The following PLEKHD1 variants were observed in gnomAD, a reference collection of about 807,000 sequenced individuals.
PLEKHD1 encodes the protein pleckstrin homology and coiled-coil domain containing D1, also known as pleckstrin homology domain-containing family D member 1.
PLEKHD1 carries 51 observed loss-of-function variants against 69.2 expected under a neutral mutation model. The ratio of observed to expected loss-of-function variants is 0.74; its 90% confidence interval spans 0.59 to 0.93. The LOEUF (loss-of-function observed/expected upper bound fraction) is 0.93, where lower values mean the gene tolerates loss of function less well. PLEKHD1 is among the 40% of genes least tolerant of loss of function. The pLI, the probability that PLEKHD1 is intolerant of heterozygous loss-of-function variation, is 0.00. For missense variants in PLEKHD1, 584 were observed against 641.0 expected (o/e 0.91, Z 0.96); for synonymous variants, 236 against 244.7 (o/e 0.96, Z 0.33).
chr14:69,484,877 C>T lies in PLEKHD1; in HGVS notation c.-89C>T, dbSNP rs1255069304. 5 of 1,450,562 alleles carry T rather than the reference C, an allele frequency of 3.4e-6. No homozygotes were observed. Among genetic ancestry groups the T allele is most frequent in the Non-Finnish European group, 2.8e-6 (3 of 1,080,006 alleles). 89.9% of individuals were successfully genotyped at this position (1,450,562 alleles called of 1,614,324 possible). ...GCTTCTCTGCTCGCTGGGACGCTCT[C>T]CGACGGCTCCGCCCTCGCCTCTCGC... On this transcript the variant is annotated 5_prime_UTR_variant, in exon 1 of 13. Transcript: ENST00000322564.
the PLEKHD1 span, among the ~76,000 whole-genome samples, chr14:69,470,017 C>G: frequency 1.3e-5 from 2 of 151,968 alleles, no homozygotes; most frequent in Admixed American, 6.6e-5. Context: ...CCACCGTGCC[C>G]TGCCAAGTTG....
Position 69,484,875 on chromosome 14 carries a change from C to G in PLEKHD1, c.-91C>G, listed in dbSNP as rs1882618325. 6.9e-7 allele frequency: 1 copy of G among 1,443,194 alleles called. No individual in the cohort carries two copies. Among genetic ancestry groups the G allele is most frequent in the Non-Finnish European group, 9.3e-7 (1 of 1,074,098 alleles). The allele number at this position is 1,443,194 out of a possible 1,614,324, so 89.4% of individuals were successfully genotyped here. On this transcript the variant is annotated 5_prime_UTR_variant, in exon 1 of 13. Coordinates refer to ENST00000322564, the MANE Select transcript of PLEKHD1 (RefSeq NM_001161498.2). ...CTGCTTCTCTGCTCGCTGGGACGCT[C>G]TCCGACGGCTCCGCCCTCGCCTCTC...
chr14:69,473,044 C>A, the PLEKHD1 span, among the ~76,000 whole-genome samples: 1 of 152,128 alleles, frequency 6.6e-6, no homozygotes, highest in African/African-American at 2.4e-5. Context: ...CAGATGGGAC[C>A]GTTTAGTTGC....
intron 6 of PLEKHD1, among the ~76,000 whole-genome samples, chr14:69,511,523 T>C (rs959151418): frequency 1.3e-5 from 2 of 152,142 alleles, no homozygotes; most frequent in Non-Finnish European, 2.9e-5. Flanking sequence ...TGAAAGATAC[T>C]GGTCTGTAGT....
At chr14:69,514,723 C>T (rs190267452) in intron 6 of PLEKHD1, among the ~76,000 whole-genome samples, 1 of 152,106 alleles carries the variant, frequency 6.6e-6, no homozygotes, top group East Asian at 1.9e-4. Context: ...ATGTGGTGGT[C>T]TTAGCCTTTT....
the PLEKHD1 span, among the ~76,000 whole-genome samples, chr14:69,471,090 C>CTTT: frequency 1.8e-3 from 80 of 44,758 alleles, 10 homozygotes; most frequent in African/African-American, 3.1e-3. Context: ...CGTGCCTGGC[C>CTTT]TTTTTTTTTT....
chr14:69,483,453 A>T (rs1470687718), upstream of PLEKHD1, among the ~76,000 whole-genome samples: 1 of 152,136 alleles, frequency 6.6e-6, no homozygotes, highest in Non-Finnish European at 1.5e-5. Context: ...GGTGGTAAGA[A>T]TGATACAAGT....
Position 69,526,021 on chromosome 14 carries a change from G to T in PLEKHD1, c.822G>T (p.Gln274His). Residue 274 changes from glutamine to histidine, a missense_variant, in exon 9 of 13, where the codon CAG (glutamine) becomes CAT (histidine). Transcript: ENST00000322564. ...ACCACCTGCAGACACTGGCCAATCA[G>T]AGTGAGCAGCCCCCTCCCAGTGGGG... ...NENHLQTLAN[Q>H]SEQPPPSGGL... 6.4e-7 allele frequency: 1 copy of T among 1,551,688 alleles called. No homozygotes were observed. The highest frequency in any genetic ancestry group is 8.7e-7 in the Non-Finnish European group (1 of 1,146,994).
chr14:69,496,702 ATTTTT>A (rs375368521), intron 1 of PLEKHD1, among the ~76,000 whole-genome samples: 33 of 112,926 alleles, frequency 2.9e-4, no homozygotes, highest in African/African-American at 1.1e-3. Flanking sequence ...TGCCCAGCTA[ATTTTT>A]TTTTTTTTTT....
At chr14:69,526,402 C>G (rs919889882) in intron 9 of PLEKHD1, among the ~76,000 whole-genome samples, 3 of 152,116 alleles carry the variant, frequency 2.0e-5, no homozygotes, top group African/African-American at 7.2e-5. Flanking sequence ...TTTTTAAGCC[C>G]CCTTTTACAA....
Position 69,527,308 on chromosome 14 carries a change from C to A in PLEKHD1, c.1177C>A (p.Arg393=), listed in dbSNP as rs371687649. Residue 393 remains arginine, a synonymous_variant, in exon 11 of 13, where the codon CGG becomes AGG. Transcript: ENST00000322564. ...GAATAAGGAGAAGGAGGAGAGGATG[C>A]GGGCTGATGTGAGCCATCTGAAAAG... is the stretch of plus-strand genomic sequence containing the variant. ...VRNKEKEERM[R]ADVSHLKRFF... is the part of the protein sequence containing the mutation. 2 of 1,551,716 alleles carry A rather than the reference C, an allele frequency of 1.3e-6. No individual in the cohort carries two copies. The highest frequency in any genetic ancestry group is 2.4e-5 in the East Asian group (1 of 40,918).
At chr14:69,500,031 G>C in intron 1 of PLEKHD1, 84 bp from the exon 2 acceptor site, 1 of 928,150 alleles carries the variant, frequency 1.1e-6, no homozygotes. Context: ...TGTGAGTCCA[G>C]GGCCCCCAAG....
intron 6 of PLEKHD1, among the ~76,000 whole-genome samples, chr14:69,516,592 T>C (rs1188395080): frequency 6.6e-6 from 1 of 152,208 alleles, no homozygotes; most frequent in African/African-American, 2.4e-5. Flanking sequence ...TCTTCTATTT[T>C]TGATCCTTCT....
chr14:69,488,381 C>A (rs552668672), intron 1 of PLEKHD1, among the ~76,000 whole-genome samples: 25 of 152,272 alleles, frequency 1.6e-4, no homozygotes, highest in African/African-American at 5.5e-4. Context: ...AGAGAAGAGC[C>A]TATCATGTCA....
rs189649392 is a variant in PLEKHD1 at position 69,503,018 on chromosome 14, G to A, written c.555+139G>A. On this transcript the variant is annotated intron_variant, in intron 6 of 12. Transcript: ENST00000322564. ...GGGGCAGGGCGGGGAGGCCAAATGG[G>A]ATCACAGTGCTTGCTTGGGACTTGC... The A allele has an allele frequency of 3.9e-4, 360 of 927,008 alleles. No individual in the cohort carries two copies. The African/African-American group carries it at 4.8e-3, about 12-fold the overall frequency. The allele number at this position is 927,008 out of a possible 1,614,324, so 57.4% of individuals were successfully genotyped here. A position where few individuals can be genotyped will look rare whatever the true frequency, so the allele number is the denominator to read the frequency against.
At position 69,516,092 on chromosome 14, in the gene PLEKHD1, T is replaced by A. The variant is rs1883379019; in HGVS notation, c.556-6191T>A. ...TCCTGGGCTCAAGTGATCCACTTTGTGGATTACAGGAGTGAGCCACTGTGT... is the reference window on the plus strand; with the variant it reads ...TCCTGGGCTCAAGTGATCCACTTTGAGGATTACAGGAGTGAGCCACTGTGT... On this transcript the variant is annotated intron_variant, in intron 6 of 12. Coordinates refer to ENST00000322564, the MANE Select transcript of PLEKHD1 (RefSeq NM_001161498.2). 2.0e-5 allele frequency among the ~76,000 whole-genome samples: 3 copies of A among 152,280 alleles called. No individual in the cohort carries two copies. In the South Asian group the frequency reaches 6.2e-4, roughly 32 times the overall value.
intron 10 of PLEKHD1, 45 bp from the exon 11 acceptor site, chr14:69,527,143 T>A (rs1305811666): frequency 1.3e-6 from 2 of 1,490,432 alleles, no homozygotes; most frequent in African/African-American, 2.8e-5. Context: ...TGGCAGCTAC[T>A]TCCAGGACCT....
At chr14:69,484,368 G>A (rs541619777), upstream of PLEKHD1, among the ~76,000 whole-genome samples, 22 of 152,314 alleles carry the variant, frequency 1.4e-4, no homozygotes, top group African/African-American at 4.3e-4. Flanking sequence ...CCCGAGGCGA[G>A]CAGGTGTCTG....
chr14:69,494,800 A>G (rs1266082919), intron 1 of PLEKHD1, among the ~76,000 whole-genome samples: 2 of 152,178 alleles, frequency 1.3e-5, no homozygotes, highest in Non-Finnish European at 2.9e-5. Context: ...TGGTGTTCTG[A>G]GCCCCTGCCT....
Sources: allele counts gnomAD v4.1 joint callset (sites outside exome capture counted in the v4.1 genomes callset), GRCh38; gene constraint gnomAD v4.1.1; transcripts MANE v1.5; gene names NCBI Gene and HGNC (gene_info 2026-07-23, HGNC 2026-07-21).